The following AGO4 variants were observed in gnomAD, a reference collection of about 807,000 sequenced individuals.
The protein encoded by AGO4 is protein argonaute-4.
AGO4 carries 33 observed loss-of-function variants against 104.7 expected under a neutral mutation model. The observed-to-expected ratio is 0.32, with a 90% CI of 0.24 to 0.42. AGO4 has a LOEUF of 0.42. AGO4 is among the 10% of genes least tolerant of loss of function. The pLI is 1.00. For missense variants in AGO4, 711 were observed against 1,083.4 expected (o/e 0.66, Z 4.83); for synonymous variants, 331 against 364.7 (o/e 0.91, Z 1.05).
At chr1:35,821,993 T>G (rs1263330698) in intron 2 of AGO4, among the ~76,000 whole-genome samples, 1 of 151,906 alleles carries the variant, frequency 6.6e-6, no homozygotes, top group Non-Finnish European at 1.5e-5. Context: ...GTTCAAGCGA[T>G]TCTCGTGCCT....
intron 1 of AGO4, among the ~76,000 whole-genome samples, chr1:35,812,289 A>G (rs1571250746): frequency 6.6e-6 from 1 of 152,144 alleles, no homozygotes; most frequent in East Asian, 1.9e-4. Flanking sequence ...AGAAATTATC[A>G]CTCACCATCT....
chr1:35,853,008 T>C (rs537133748), intron 17 of AGO4, among the ~76,000 whole-genome samples: 103 of 152,268 alleles, frequency 6.8e-4, no homozygotes, highest in Non-Finnish European at 1.1e-3. Flanking sequence ...CCCAGCACTT[T>C]GGGAGGCCGA....
chr1:35,831,300 T>C, intron 7 of AGO4, 127 bp from the exon 8 acceptor site: 1 of 980,292 alleles, frequency 1.0e-6, no homozygotes, highest in Non-Finnish European at 1.4e-6. Flanking sequence ...AGGCGGAGGT[T>C]GAGATCACGC....
intron 2 of AGO4, among the ~76,000 whole-genome samples, chr1:35,817,976 C>A (rs1350117807): frequency 2.6e-5 from 4 of 151,908 alleles, no homozygotes; most frequent in Non-Finnish European, 5.9e-5. Flanking sequence ...ACAAAACAGG[C>A]AAAAGTTTCT....
intron 12 of AGO4, among the ~76,000 whole-genome samples, chr1:35,835,571 C>G (rs1557569640): frequency 6.6e-6 from 1 of 152,028 alleles, no homozygotes; most frequent in Non-Finnish European, 1.5e-5. Context: ...CAAGTCGTGG[C>G]AGGCAGCACA....
intron 15 of AGO4, among the ~76,000 whole-genome samples, chr1:35,848,531 T>A (rs1644626914): frequency 6.6e-6 from 1 of 152,110 alleles, no homozygotes; most frequent in Non-Finnish European, 1.5e-5. Context: ...CTGCGGAGCC[T>A]AGCAGTCATA....
intron 1 of AGO4, among the ~76,000 whole-genome samples, chr1:35,812,674 C>G (rs1643547884): frequency 6.6e-6 from 1 of 152,106 alleles, no homozygotes; most frequent in Non-Finnish European, 1.5e-5. Context: ...TCACTGCAAC[C>G]TGCACCTCCC....
chr1:35,850,064 C>G (rs1557582712), intron 15 of AGO4, 93 bp from the exon 16 acceptor site: 1 of 752,170 alleles, frequency 1.3e-6, no homozygotes. Flanking sequence ...GAGACATTTA[C>G]CAACTTGCTC....
intron 1 of AGO4, among the ~76,000 whole-genome samples, chr1:35,812,994 T>G (rs1209308317): frequency 6.6e-6 from 1 of 152,236 alleles, no homozygotes; most frequent in African/African-American, 2.4e-5. Context: ...AGTATGTTTA[T>G]CACCTCTCAC....
chr1:35,835,820 A>G lies in AGO4; in HGVS notation c.1565-14A>G. ...CCATTTAAACATGTTAAAATTAATA[A>G]ATTATTTTTGTAGCGGAGGTGAAAC... On this transcript the variant is annotated splice_polypyrimidine_tract_variant and intron_variant, in intron 12 of 17. Transcript: ENST00000373210. 1 of 1,574,328 alleles carries G rather than the reference A, an allele frequency of 6.4e-7. No homozygotes were observed. The highest frequency in any genetic ancestry group is 8.6e-7 in the Non-Finnish European group (1 of 1,165,940).
chr1:35,853,508 G>C lies in AGO4; in HGVS notation c.2489G>C (p.Ser830Thr), dbSNP rs372745703. Residue 830 changes from serine to threonine, a missense_variant, in exon 18 of 18, where the codon AGT becomes ACT. Ser to Thr is a moderately conservative substitution (Grantham distance 58). Around this residue, in one of 3 missense-constraint regions of AGO4, gnomAD observed 401 missense variants for 665.5 expected, o/e 0.60. Transcript: ENST00000373210. ...VDKDHDSAEG[S>T]HVSGQSNGRD... ...TATTCTCTTTACAGTGCGGAAGGCA[G>C]TCATGTGTCAGGACAGAGCAACGGC... 1.2e-6 allele frequency: 2 copies of C among 1,612,614 alleles called. No homozygotes were observed. Among genetic ancestry groups the C allele is most frequent in the Admixed American group, 1.7e-5 (1 of 59,798 alleles).
At position 35,825,324 on chromosome 1, in the gene AGO4, G is replaced by A; in HGVS notation, c.318G>A (p.Glu106=). The change falls in exon 4 of 18, where the codon GAG becomes GAA. Residue 106 remains glutamate, a synonymous_variant. Transcript: ENST00000373210. ...ATTTTTTTCCTTAGGTTGATATGGA[G>A]GTGACTCTTCCAGGCGAGGGTAAAG... ...LPIGRDRVDM[E]VTLPGEGKDQ... 1 of 1,613,850 alleles carries A rather than the reference G, an allele frequency of 6.2e-7. No homozygotes were observed. The highest frequency in any genetic ancestry group is 1.1e-5 in the South Asian group (1 of 91,022).
intron 3 of AGO4, 93 bp downstream of exon 3, chr1:35,823,075 A>T: frequency 6.8e-7 from 1 of 1,461,924 alleles, no homozygotes; most frequent in Non-Finnish European, 9.3e-7. Flanking sequence ...CACAAAAAAC[A>T]TAAATGTTTG....
rs763145570 is a variant in AGO4 at position 35,832,077 on chromosome 1, G to C, written c.1137G>C (p.Val379=). Residue 379 remains valine (V), a synonymous_variant, in exon 10 of 18, where the codon GTG becomes GTC. Transcript: ENST00000373210. Reference sequence around the variant, plus strand: ...TTTAGGTGAAGAGCAACAGTATGGTGGGTGGACCTGATCCATACCTTAAAG... The same window carrying C: ...TTTAGGTGAAGAGCAACAGTATGGTCGGTGGACCTGATCCATACCTTAAAG... ...ISRLVKSNSM[V]GGPDPYLKEF... 2 of 1,613,634 alleles carry C rather than the reference G, an allele frequency of 1.2e-6. No individual in the cohort carries two copies. The highest frequency in any genetic ancestry group is 3.3e-5 in the Admixed American group (2 of 59,882).
chr1:35,841,279 C>T lies in AGO4; in HGVS notation c.1839C>T (p.His613=). The change falls in exon 14 of 18, where the codon CAC becomes CAT. Residue 613 remains histidine, a synonymous_variant. Transcript: ENST00000373210. This position sits in a 1 kb window ranked among gnomAD's most constrained non-coding sequence, Gnocchi z 4.7. ...CTGTGGTTGGCAGTATGGATGGCCA[C>T]CCCAGCCGGTACTGTGCCACCGTTC... ...IAAVVGSMDG[H]PSRYCATVRV... is the part of the protein sequence containing the mutation. 1 of 1,614,152 alleles carries T rather than the reference C, an allele frequency of 6.2e-7. No individual in the cohort carries two copies. The highest frequency in any genetic ancestry group is 1.3e-5 in the African/African-American group (1 of 75,028).
chr1:35,839,634 A>G (rs1466072610), intron 13 of AGO4, among the ~76,000 whole-genome samples: 2 of 152,080 alleles, frequency 1.3e-5, no homozygotes, highest in African/African-American at 2.4e-5. Context: ...TGTTATATAT[A>G]TGTGTGTTGC....
chr1:35,841,648 G>C lies in AGO4; in HGVS notation c.2073G>C (p.Lys691Asn). The C allele has an allele frequency of 6.2e-7, 1 of 1,613,930 alleles. No homozygotes were observed. Among genetic ancestry groups the C allele is most frequent in the Admixed American group, 1.7e-5 (1 of 59,972 alleles). The change falls in exon 15 of 18, where the codon AAG becomes AAC. Residue 691 changes from lysine to asparagine, a missense_variant. Physicochemically the swap from Lys to Asn is moderately conservative, Grantham distance 94. Around this residue, in one of 3 missense-constraint regions of AGO4, gnomAD observed 401 missense variants for 665.5 expected, o/e 0.60. Transcript: ENST00000373210. The surrounding 1 kb of genome is among the most constrained non-coding windows in gnomAD (Gnocchi z 4.7). ...GGCCAGAACTAATAGCAATTCGAAA[G>C]GCATGTATTAGCTTGGAAGAAGATT... is the stretch of plus-strand genomic sequence containing the variant. ...VAWPELIAIRKACISLEEDYR... is the reference protein window; with the variant it reads ...VAWPELIAIRNACISLEEDYR...
At position 35,857,635 on chromosome 1, in the gene AGO4, A is replaced by G. The variant is rs1644843225; in HGVS notation, c.*4030A>G. ...GGGATATTTTGTGTTTATGTGTCCA[A>G]AAAAGGAATAAATTGGCATTCTTGT... On this transcript the variant is annotated 3_prime_UTR_variant, in exon 18 of 18. Coordinates refer to ENST00000373210, the MANE Select transcript of AGO4 (RefSeq NM_017629.4). The G allele has an allele frequency of 6.6e-6, 1 of 152,172 alleles. No homozygotes were observed. The highest frequency in any genetic ancestry group is 1.5e-5 in the Non-Finnish European group (1 of 68,042). 9.4% of individuals were successfully genotyped at this position (152,172 alleles called of 1,614,324 possible). A position where few individuals can be genotyped will look rare whatever the true frequency, so the allele number is the denominator to read the frequency against.
intron 1 of AGO4, 125 bp from the exon 2 acceptor site, chr1:35,816,757 C>T: frequency 9.3e-7 from 1 of 1,075,582 alleles, no homozygotes; most frequent in South Asian, 2.0e-5. Flanking sequence ...CAAGATCAAG[C>T]CACTGCACTC....
Sources: gnomAD v4.1 joint callset for allele counts (sites outside exome capture counted in the v4.1 genomes callset) on GRCh38, gnomAD v4.1.1 for gene constraint, gnomAD v4.1.1 regional missense constraint, Gnocchi (gnomAD v3.1) non-coding constraint, MANE v1.5 for transcripts, NCBI Gene and HGNC (gene_info 2026-07-23, HGNC 2026-07-21) for gene names.